C1QTNF7: variants seen among roughly 807,000 people sequenced by gnomAD.
C1QTNF7 encodes C1q and TNF related 7, also known as complement C1q tumor necrosis factor-related protein 7.
A neutral mutation model predicts 19.6 loss-of-function variants in C1QTNF7; 15 were observed. That is an observed-to-expected ratio of 0.76 (90% CI 0.51 to 1.18). C1QTNF7 has a LOEUF of 1.18. Among genes scored for constraint, C1QTNF7 ranks in the 50% most tolerant of loss-of-function variants. C1QTNF7 has a pLI of 0.00. For missense variants in C1QTNF7, 324 were observed against 359.7 expected (o/e 0.90, Z 0.80); for synonymous variants, 142 against 137.5 (o/e 1.03, Z -0.23).
intron 1 of C1QTNF7, chr4:15,358,360 T>C (rs189964993): frequency 1.3e-5 from 2 of 152,348 alleles, no homozygotes; most frequent in East Asian, 3.9e-4. Context: ...GTTCTGTTTA[T>C]GTGATGGATT....
At chr4:15,350,837 G>A (rs1321383997) in intron 1 of C1QTNF7, among the ~76,000 whole-genome samples, 1 of 152,200 alleles carries the variant, frequency 6.6e-6, no homozygotes, top group Non-Finnish European at 1.5e-5. Flanking sequence ...TGGGAAATAG[G>A]AGACTGATTT....
intron 1 of C1QTNF7, among the ~76,000 whole-genome samples, chr4:15,429,483 C>A (rs1402627574): frequency 6.6e-6 from 1 of 152,170 alleles, no homozygotes; most frequent in African/African-American, 2.4e-5. Context: ...AGGAATCACA[C>A]AATATTTGTC....
At chr4:15,408,701 A>AAC (rs1362289659) in intron 1 of C1QTNF7, among the ~76,000 whole-genome samples, 1 of 152,128 alleles carries the variant, frequency 6.6e-6, no homozygotes, top group Non-Finnish European at 1.5e-5. Context: ...AGCACTTTGG[A>AAC]TATACCTGAA....
chr4:15,344,862 C>T (rs916487757), intron 1 of C1QTNF7, among the ~76,000 whole-genome samples: 1 of 152,214 alleles, frequency 6.6e-6, no homozygotes. Flanking sequence ...CTGCCTTTTG[C>T]AAAATTCAAC....
chr4:15,436,005 A>C (rs1319573033), intron 2 of C1QTNF7, 24 bp downstream of exon 2: 1 of 1,602,858 alleles, frequency 6.2e-7, no homozygotes, highest in Admixed American at 1.7e-5. Context: ...AGTTGCATAA[A>C]ACACCCTCCT....
At chr4:15,439,102 C>T (rs767772756) in intron 2 of C1QTNF7, among the ~76,000 whole-genome samples, 1 of 152,156 alleles carries the variant, frequency 6.6e-6, no homozygotes, top group Non-Finnish European at 1.5e-5. Context: ...CTCCACTCTA[C>T]CCAAGCATAT....
intron 1 of C1QTNF7, among the ~76,000 whole-genome samples, chr4:15,415,416 G>A (rs550211511): frequency 3.3e-5 from 5 of 152,162 alleles, no homozygotes; most frequent in Non-Finnish European, 7.3e-5. Flanking sequence ...CGTTAGATGA[G>A]TAGAGCAAGT....
chr4:15,423,685 A>C (rs570714349), upstream of C1QTNF7, among the ~76,000 whole-genome samples: 1 of 152,324 alleles, frequency 6.6e-6, no homozygotes, highest in Admixed American at 6.5e-5. Context: ...TCCTCCCTGC[A>C]GGCTTATGCC....
intron 1 of C1QTNF7, among the ~76,000 whole-genome samples, chr4:15,405,284 C>T (rs1719151503): frequency 6.6e-6 from 1 of 152,130 alleles, no homozygotes; most frequent in Admixed American, 6.6e-5. Context: ...GCATCTGTGT[C>T]AGAGGCAAGC....
chr4:15,403,748 G>T, intron 1 of C1QTNF7, among the ~76,000 whole-genome samples: 1 of 152,178 alleles, frequency 6.6e-6, no homozygotes, highest in Non-Finnish European at 1.5e-5. Context: ...TACAAATGGT[G>T]TGATTTCTGA....
rs575150560 is a variant in C1QTNF7 at position 15,388,960 on chromosome 4, C to A, written c.14-46776C>A. On this transcript the variant is annotated intron_variant, in intron 1 of 2. Transcript: ENST00000295297. The stretch of plus-strand genomic sequence containing the variant: ...AGGAGCAGGGAGGTCACCCATATCA[C>A]CTCCAGGCTCAGTGAAATGAGGAAT... Among the ~76,000 whole-genome samples the A allele has an allele frequency of 7.6e-4, 115 of 152,282 alleles. No homozygotes were observed. In the Middle Eastern group the frequency reaches 0.01, roughly 14 times the overall value.
intron 1 of C1QTNF7, among the ~76,000 whole-genome samples, chr4:15,402,364 A>G (rs1284700191): frequency 6.6e-6 from 1 of 152,258 alleles, no homozygotes; most frequent in Non-Finnish European, 1.5e-5. Flanking sequence ...CTTCTTGAAA[A>G]GTATTTGATG....
At chr4:15,408,564 G>A (rs1719288378) in intron 1 of C1QTNF7, among the ~76,000 whole-genome samples, 1 of 152,060 alleles carries the variant, frequency 6.6e-6, no homozygotes, top group South Asian at 2.1e-4. Context: ...GTACAGATAA[G>A]AAGAAGCTGC....
chr4:15,342,069 C>T (rs1313687745), intron 1 of C1QTNF7, among the ~76,000 whole-genome samples: 1 of 152,220 alleles, frequency 6.6e-6, no homozygotes, highest in Non-Finnish European at 1.5e-5. Context: ...TCATCTAAGG[C>T]GCAGTCACTG....
chr4:15,439,971 AAT>A (rs1712685033), intron 2 of C1QTNF7, among the ~76,000 whole-genome samples: 1 of 151,276 alleles, frequency 6.6e-6, no homozygotes, highest in African/African-American at 2.4e-5. Context: ...ATACAAAATC[AAT>A]GTCTTATATA....
At chr4:15,428,387 A>T (rs1440328825) in intron 1 of C1QTNF7, among the ~76,000 whole-genome samples, 1 of 152,150 alleles carries the variant, frequency 6.6e-6, no homozygotes, top group Non-Finnish European at 1.5e-5. Context: ...AATGTTTTGC[A>T]AATGTCAGGG....
At chr4:15,441,757 C>G (rs1230135802) in intron 2 of C1QTNF7, among the ~76,000 whole-genome samples, 1 of 152,148 alleles carries the variant, frequency 6.6e-6, no homozygotes, top group Middle Eastern at 3.2e-3. Flanking sequence ...CGCGGTGGCT[C>G]ATGCCTATAA....
chr4:15,433,137 T>C (rs995363716), intron 1 of C1QTNF7, among the ~76,000 whole-genome samples: 4 of 152,190 alleles, frequency 2.6e-5, no homozygotes, highest in African/African-American at 9.6e-5. Context: ...CCAATAGCCT[T>C]GCACCCCATG....
intron 1 of C1QTNF7, among the ~76,000 whole-genome samples, chr4:15,386,553 G>C (rs1718343404): frequency 6.6e-6 from 1 of 152,118 alleles, no homozygotes; most frequent in South Asian, 2.1e-4. Context: ...AAGTCATGGA[G>C]AAAACAAAGA....
Sources: gnomAD v4.1 joint callset for allele counts (sites outside exome capture counted in the v4.1 genomes callset) on GRCh38, gnomAD v4.1.1 for gene constraint, MANE v1.5 for transcripts, NCBI Gene and HGNC (gene_info 2026-07-23, HGNC 2026-07-21) for gene names.